MYCBP2: variants seen among roughly 807,000 people sequenced by gnomAD.
The protein encoded by MYCBP2 is E3 ubiquitin-protein ligase MYCBP2.
Under a neutral mutation model 525.3 loss-of-function variants are expected in MYCBP2, and 120 were observed. The observed-to-expected ratio is 0.23, with a 90% CI of 0.20 to 0.27. The LOEUF (loss-of-function observed/expected upper bound fraction) is 0.27, where lower values mean the gene tolerates loss of function less well. Ranked by LOEUF, MYCBP2 falls within the 10% of genes least tolerant of loss-of-function variation. MYCBP2 has a pLI of 1.00. For missense variants in MYCBP2, 4,149 were observed against 5,657.1 expected, an observed-to-expected ratio of 0.73 and a Z score of 8.55; for synonymous variants, 1,894 against 1,955.8, an observed-to-expected ratio of 0.97 and a Z score of 0.83.
At position 77,165,277 on chromosome 13, in the gene MYCBP2, T is replaced by A. The variant is rs1271930548; in HGVS notation, c.6455A>T (p.Asp2152Val). The change falls in exon 42 of 83, where the codon GAT becomes GTT. Residue 2152 changes from aspartate (D) to valine (V), a missense_variant. Asp to Val is a radical substitution (Grantham distance 152, BLOSUM62 -3). Around this residue, in one of 21 missense-constraint regions of MYCBP2, gnomAD observed 692 missense variants for 852.7 expected, o/e 0.81. Coordinates refer to ENST00000544440, the MANE Select transcript of MYCBP2 (RefSeq NM_015057.5). ...AIGYEFSPGP[D>V]EGVIQLEKEL... Reference sequence around the variant, plus strand: ...GAAAAGATAATTCATTCTTACCTCATCAGGTCCAGGGCTAAATTCATATCC... The same window carrying A: ...GAAAAGATAATTCATTCTTACCTCAACAGGTCCAGGGCTAAATTCATATCC... 6.3e-7 allele frequency: 1 copy of A among 1,598,254 alleles called. No individual in the cohort carries two copies. Among genetic ancestry groups the A allele is most frequent in the Non-Finnish European group, 8.6e-7 (1 of 1,168,808 alleles).
chr13:77,175,690 G>A (rs1466600570), intron 36 of MYCBP2, among the ~76,000 whole-genome samples: 1 of 152,122 alleles, frequency 6.6e-6, no homozygotes, highest in African/African-American at 2.4e-5. Context: ...GCTGGGCGCG[G>A]TGGCTCACGC....
At chr13:77,267,300 A>G (rs2074234675) in intron 8 of MYCBP2, among the ~76,000 whole-genome samples, 1 of 151,918 alleles carries the variant, frequency 6.6e-6, no homozygotes. Flanking sequence ...CCTTTATCAA[A>G]GTATTAAGAA....
chr13:77,169,419 CAACA>C (rs937314470), intron 39 of MYCBP2, among the ~76,000 whole-genome samples, 191 bp downstream of exon 39: 1 of 146,216 alleles, frequency 6.8e-6, no homozygotes, highest in Admixed American at 6.8e-5. Flanking sequence ...AAAAAAAAGC[CAACA>C]AATAAGCACA....
intron 44 of MYCBP2, among the ~76,000 whole-genome samples, chr13:77,160,313 C>T (rs540888655): frequency 6.8e-4 from 103 of 152,086 alleles, no homozygotes; most frequent in Non-Finnish European, 1.2e-3. Flanking sequence ...TGATCGTGGG[C>T]GAACTGCCTA....
At position 77,081,490 on chromosome 13, in the gene MYCBP2, G is replaced by A; in HGVS notation, c.11355C>T (p.Asn3785=). 6.2e-7 allele frequency: 1 copy of A among 1,613,200 alleles called. No homozygotes were observed. Among genetic ancestry groups the A allele is most frequent in the Non-Finnish European group, 8.5e-7 (1 of 1,179,852 alleles). The change falls in exon 65 of 83, where the codon AAC becomes AAT. Residue 3785 remains asparagine (N), a synonymous_variant. Coordinates refer to ENST00000544440, the MANE Select transcript of MYCBP2 (RefSeq NM_015057.5). This position sits in a 1 kb window ranked among gnomAD's most constrained non-coding sequence, Gnocchi z 4.6. ...AGCGGGCATTGATTCCTTTTACACA[G>A]TTGATGGTGATGTTCTTAGTTTTGT... The part of the protein sequence containing the change: ...DKNKTKNITI[N]CVKGINARYV...
At chr13:77,147,551 G>A (rs1047553124) in intron 47 of MYCBP2, among the ~76,000 whole-genome samples, 3 of 151,938 alleles carry the variant, frequency 2.0e-5, no homozygotes, top group Admixed American at 1.3e-4. Context: ...CAAACTCAAA[G>A]CCCCCTTCCT....
chr13:77,315,894 C>CAAAAAA (rs34819956), intron 1 of MYCBP2, among the ~76,000 whole-genome samples: 1 of 94,272 alleles, frequency 1.1e-5, no homozygotes, highest in African/African-American at 4.0e-5. Flanking sequence ...GGCTCTGTCT[C>CAAAAAA]AAAAAAAAAA....
intron 52 of MYCBP2, among the ~76,000 whole-genome samples, chr13:77,136,286 A>C (rs1269673685): frequency 6.6e-6 from 1 of 152,224 alleles, no homozygotes; most frequent in African/African-American, 2.4e-5. Context: ...AGAGTATCTC[A>C]TTTGTTAAAG....
chr13:77,070,603 G>A, intron 69 of MYCBP2, 28 bp downstream of exon 69: 5 of 1,478,130 alleles, frequency 3.4e-6, no homozygotes, highest in Non-Finnish European at 4.7e-6. Flanking sequence ...CAAAACTAAT[G>A]AAGACAATGA....
At chr13:77,147,155 G>C (rs1422419313) in intron 47 of MYCBP2, among the ~76,000 whole-genome samples, 1 of 151,950 alleles carries the variant, frequency 6.6e-6, no homozygotes, top group African/African-American at 2.4e-5. Flanking sequence ...AAAACGTATT[G>C]AACAACCCAA....
intron 1 of MYCBP2, among the ~76,000 whole-genome samples, chr13:77,309,067 G>A (rs184800297): frequency 2.6e-5 from 4 of 152,294 alleles, no homozygotes; most frequent in Non-Finnish European, 5.9e-5. Context: ...TCTCCTACAG[G>A]TTATCTAATC....
At chr13:77,322,555 T>A (rs759994535) in intron 1 of MYCBP2, among the ~76,000 whole-genome samples, 2 of 152,218 alleles carry the variant, frequency 1.3e-5, no homozygotes, top group Non-Finnish European at 1.5e-5. Context: ...CTGGTTGGAA[T>A]TTTAAATGTG....
intron 4 of MYCBP2, 103 bp downstream of exon 4, chr13:77,278,655 G>A: frequency 9.3e-7 from 1 of 1,070,912 alleles, no homozygotes; most frequent in Non-Finnish European, 1.2e-6. Context: ...TTTCTGTAGT[G>A]AGAACTTTAG....
At chr13:77,324,470 G>C (rs1250380343) in intron 1 of MYCBP2, among the ~76,000 whole-genome samples, 1 of 152,168 alleles carries the variant, frequency 6.6e-6, no homozygotes, top group Non-Finnish European at 1.5e-5. Flanking sequence ...AATAAGAAAT[G>C]TGATTTAATT....
chr13:77,061,648 A>G lies in MYCBP2; in HGVS notation c.12903+14T>C. On this transcript the variant is annotated intron_variant, in intron 75 of 82. Transcript: ENST00000544440. ...ACTGAACATATTTTATGCTCCAGAG[A>G]CAAAAATCTTCACCTGTCTTTGATG... The G allele has an allele frequency of 6.2e-7, 1 of 1,608,196 alleles. No individual in the cohort carries two copies. The highest frequency in any genetic ancestry group is 8.5e-7 in the Non-Finnish European group (1 of 1,178,550).
Position 77,239,559 on chromosome 13 carries a change from C to T in MYCBP2, c.2629+3500G>A, listed in dbSNP as rs76537252. ...TGATGCAGAAGGTCATTGGATCAAACCGCAAAGTGCAAACAACTGACCTAG... is the reference window on the plus strand; with the variant it reads ...TGATGCAGAAGGTCATTGGATCAAATCGCAAAGTGCAAACAACTGACCTAG... On this transcript the variant is annotated intron_variant, in intron 17 of 82. Coordinates refer to ENST00000544440, the MANE Select transcript of MYCBP2 (RefSeq NM_015057.5). Among the ~76,000 whole-genome samples the T allele has an allele frequency of 1.7e-3, 252 of 152,304 alleles. 3 individuals carry two copies. In the East Asian group the frequency reaches 0.028, roughly 17 times the overall value.
At position 77,140,166 on chromosome 13, in the gene MYCBP2, G is replaced by A; in HGVS notation, c.7402-3C>T. ...TCCTTGGCCACAAATTTTCGAACCT[G>A]AGAAAGGCAAAGATAAACAGTGAGG... is the stretch of plus-strand genomic sequence containing the variant. On this transcript the variant is annotated splice_polypyrimidine_tract_variant and splice_region_variant and intron_variant, in intron 50 of 82. Transcript: ENST00000544440. The A allele has an allele frequency of 2.5e-6, 4 of 1,585,688 alleles. No individual in the cohort carries two copies. Among genetic ancestry groups the A allele is most frequent in the Non-Finnish European group, 3.4e-6 (4 of 1,167,088 alleles).
At chr13:77,095,736 A>C (rs2046142042) in intron 57 of MYCBP2, 134 bp from the exon 58 acceptor site, 1 of 1,111,566 alleles carries the variant, frequency 9.0e-7, no homozygotes, top group Non-Finnish European at 1.2e-6. Context: ...TAAGATTATA[A>C]AAAACAACAT....
intron 15 of MYCBP2, among the ~76,000 whole-genome samples, chr13:77,248,996 G>A (rs1397985849): frequency 1.3e-5 from 2 of 152,198 alleles, no homozygotes; most frequent in African/African-American, 4.8e-5. Context: ...TATGCTAAGT[G>A]AAATAAGCCA....
Sources: allele counts gnomAD v4.1 joint callset (sites outside exome capture counted in the v4.1 genomes callset), GRCh38; gene constraint gnomAD v4.1.1; regional missense constraint gnomAD v4.1.1; non-coding constraint Gnocchi (gnomAD v3.1); transcripts MANE v1.5; gene names NCBI Gene and HGNC (gene_info 2026-07-23, HGNC 2026-07-21).